The following SYT17 variants were observed in gnomAD, a reference collection of about 807,000 sequenced individuals.
SYT17 encodes the protein synaptotagmin 17.
In SYT17, 22 loss-of-function variants were observed where a neutral mutation model predicts 46.7. The ratio of observed to expected loss-of-function variants is 0.47; its 90% confidence interval spans 0.34 to 0.67. SYT17 has a LOEUF of 0.67. SYT17 is among the 30% of genes least tolerant of loss of function. The pLI, the probability that SYT17 is intolerant of heterozygous loss-of-function variation, is 0.01. For synonymous variants in SYT17, 251 were observed against 248.4 expected (o/e 1.01, Z -0.10); for missense variants, 519 against 612.8 (o/e 0.85, Z 1.62).
chr16:19,261,327 A>G (rs535164403), intron 7 of SYT17, among the ~76,000 whole-genome samples: 1 of 152,348 alleles, frequency 6.6e-6, no homozygotes, highest in Non-Finnish European at 1.5e-5. Context: ...TTACCAAGTG[A>G]TTTGCAATTT....
At chr16:19,238,853 C>T (rs948496119) in intron 7 of SYT17, among the ~76,000 whole-genome samples, 3 of 152,130 alleles carry the variant, frequency 2.0e-5, no homozygotes, top group South Asian at 4.2e-4. Context: ...TGGGTAGGTT[C>T]GAGATGAAGG....
At chr16:19,260,756 C>T (rs1968919709) in intron 7 of SYT17, among the ~76,000 whole-genome samples, 1 of 152,010 alleles carries the variant, frequency 6.6e-6, no homozygotes, top group South Asian at 2.1e-4. Context: ...TTAAAAGAGT[C>T]CCCCATAACC....
At chr16:19,210,464 T>G (rs1241332216) in intron 5 of SYT17, among the ~76,000 whole-genome samples, 1 of 150,352 alleles carries the variant, frequency 6.7e-6, no homozygotes, top group Non-Finnish European at 1.5e-5. Flanking sequence ...GTATTTTTTT[T>G]TAAAAGGGTA....
At chr16:19,202,067 T>A (rs1170994066) in intron 5 of SYT17, among the ~76,000 whole-genome samples, 3 of 152,136 alleles carry the variant, frequency 2.0e-5, no homozygotes, top group Non-Finnish European at 4.4e-5. Context: ...ACCAACCACT[T>A]CTCCATTTCT....
chr16:19,237,897 A>C (rs575273453), intron 7 of SYT17, among the ~76,000 whole-genome samples: 1 of 152,224 alleles, frequency 6.6e-6, no homozygotes, highest in Non-Finnish European at 1.5e-5. Context: ...TTGGGGGACT[A>C]TGAGTTTGCA....
chr16:19,220,128 T>A (rs1203873295), intron 5 of SYT17, among the ~76,000 whole-genome samples: 1 of 151,988 alleles, frequency 6.6e-6, no homozygotes, highest in Non-Finnish European at 1.5e-5. Context: ...ATTCCTATTT[T>A]GAAAATCTCC....
At chr16:19,198,476 G>C (rs1399763872) in intron 5 of SYT17, among the ~76,000 whole-genome samples, 3 of 152,180 alleles carry the variant, frequency 2.0e-5, no homozygotes, top group Non-Finnish European at 4.4e-5. Context: ...ATCATTGCTA[G>C]CTCTCCCTGA....
chr16:19,211,818 C>A (rs559531411), intron 5 of SYT17, among the ~76,000 whole-genome samples: 177 of 151,852 alleles, frequency 1.2e-3, no homozygotes, highest in Non-Finnish European at 2.0e-3. Flanking sequence ...AGTAGAGACT[C>A]GGTTTCACTG....
At chr16:19,255,056 G>A (rs539583251) in intron 7 of SYT17, among the ~76,000 whole-genome samples, 164 of 152,190 alleles carry the variant, frequency 1.1e-3, no homozygotes, top group South Asian at 3.7e-3. Flanking sequence ...CCACTCCCCC[G>A]TTTCTCTCCC....
chr16:19,253,215 T>C (rs1485860340), intron 7 of SYT17, among the ~76,000 whole-genome samples: 3 of 152,210 alleles, frequency 2.0e-5, no homozygotes, highest in Non-Finnish European at 2.9e-5. Context: ...ATAGAGGCCA[T>C]AGGTGGCCCT....
intron 5 of SYT17, among the ~76,000 whole-genome samples, chr16:19,195,325 G>C (rs10852223): frequency 0.69 from 104,895 of 151,994 alleles, 36,874 homozygotes; most frequent in African/African-American, 0.81. Context: ...CTCTCAGCCA[G>C]TCTCCTCCAT....
chr16:19,189,517 AT>A (rs1964930937), intron 5 of SYT17, among the ~76,000 whole-genome samples: 1 of 151,930 alleles, frequency 6.6e-6, no homozygotes, highest in Admixed American at 6.6e-5. Flanking sequence ...TGCTCAGATA[AT>A]TTTTTATTTT....
At chr16:19,242,901 G>A (rs1371493866) in intron 7 of SYT17, among the ~76,000 whole-genome samples, 1 of 152,108 alleles carries the variant, frequency 6.6e-6, no homozygotes, top group African/African-American at 2.4e-5. Context: ...CAGAACTGAA[G>A]AAGAGATGTG....
intron 1 of SYT17, chr16:19,171,262 T>C (rs1356188185): frequency 1.3e-5 from 2 of 154,630 alleles, no homozygotes; most frequent in Non-Finnish European, 2.9e-5. Context: ...GATTTCAATT[T>C]TTTCACAAGC....
In SYT17 at chr16:19,258,879, C is replaced by T. The variant is rs574602797; in HGVS notation, c.1229-8001C>T. On this transcript the variant is annotated intron_variant, in intron 7 of 7. Coordinates refer to ENST00000355377, the MANE Select transcript of SYT17 (RefSeq NM_016524.4). ...GACGTCCTTAGCCCTGGCCCTAATA[C>T]ACAGTAGGTGCTTAATAAACTGATC... Among the ~76,000 whole-genome samples the T allele has an allele frequency of 1.4e-4, 21 of 152,290 alleles. No individual in the cohort carries two copies. In the South Asian group the frequency reaches 3.7e-3, roughly 27 times the overall value.
At chr16:19,242,811 G>A (rs1057453684) in intron 7 of SYT17, among the ~76,000 whole-genome samples, 1 of 152,148 alleles carries the variant, frequency 6.6e-6, no homozygotes, top group African/African-American at 2.4e-5. Context: ...TTACAGGTGT[G>A]AGCCACCACA....
chr16:19,175,371 C>T (rs1278645182), intron 3 of SYT17, among the ~76,000 whole-genome samples: 4 of 151,890 alleles, frequency 2.6e-5, no homozygotes, highest in African/African-American at 7.3e-5. Context: ...AGATAATTCA[C>T]AGCCGGGTGC....
chr16:19,252,757 C>A (rs1400683007), intron 7 of SYT17, among the ~76,000 whole-genome samples: 1 of 151,458 alleles, frequency 6.6e-6, no homozygotes, highest in Admixed American at 6.6e-5. Context: ...ATTAGGGTCA[C>A]TGGGAAAACT....
chr16:19,185,105 A>G (rs1964729851), intron 5 of SYT17, among the ~76,000 whole-genome samples: 1 of 148,720 alleles, frequency 6.7e-6, no homozygotes, highest in African/African-American at 2.5e-5. Flanking sequence ...TTCTCTCTTC[A>G]CTCCCTCCCT....
Sources: allele counts gnomAD v4.1 joint callset (sites outside exome capture counted in the v4.1 genomes callset), GRCh38; gene constraint gnomAD v4.1.1; transcripts MANE v1.5; gene names NCBI Gene and HGNC (gene_info 2026-07-23, HGNC 2026-07-21).